ENPP2: variants seen among roughly 807,000 people sequenced by gnomAD.
ENPP2 encodes ectonucleotide pyrophosphatase/phosphodiesterase 2.
ENPP2 carries 51 observed loss-of-function variants against 120.2 expected under a neutral mutation model. The observed-to-expected ratio is 0.42, with a 90% CI of 0.34 to 0.54. The LOEUF is 0.54. ENPP2 is among the 20% of genes least tolerant of loss of function. The probability of loss-of-function intolerance (pLI) is 0.04; values close to 1 mark genes in which losing one functional copy is unlikely to be tolerated. For missense variants in ENPP2, 920 were observed against 1,066.5 expected (o/e 0.86, Z 1.91); for synonymous variants, 365 against 366.4 (o/e 1.00, Z 0.04).
chr8:119,657,731 G>C lies in ENPP2; in HGVS notation c.21+15521C>G, dbSNP rs1005707951. 2.0e-5 allele frequency among the ~76,000 whole-genome samples: 3 copies of C among 152,300 alleles called. No individual in the cohort carries two copies. In the East Asian group the frequency reaches 5.8e-4, roughly 29 times the overall value. ...CTTTATTAGACGTGTGTTTGTCTAGGAATGAAAGGAATCAACAAGTGGGAT... is the reference window on the plus strand; with the variant it reads ...CTTTATTAGACGTGTGTTTGTCTAGCAATGAAAGGAATCAACAAGTGGGAT... On this transcript the variant is annotated intron_variant, in intron 1 of 25. Coordinates refer to the ENPP2 transcript ENST00000427067.
intron 12 of ENPP2, among the ~76,000 whole-genome samples, chr8:119,592,329 C>T (rs181593788): frequency 3.3e-5 from 5 of 151,850 alleles, no homozygotes; most frequent in Non-Finnish European, 7.4e-5. Flanking sequence ...AAAATTTAGC[C>T]GGGCCTGGTG....
chr8:119,590,505 A>G lies in ENPP2; in HGVS notation c.1207T>C (p.Tyr403His). The change falls in exon 13 of 25, where the codon TAT (tyrosine) becomes CAT (histidine). Residue 403 changes from tyrosine to histidine, a missense_variant and splice_region_variant. By Grantham distance (83) the Tyr-to-His change is moderately conservative. Transcript: ENST00000075322. Reference protein sequence around the residue: ...IRSKFSNNAKYDPKAIIANLT... With the variant: ...IRSKFSNNAKHDPKAIIANLT... ...CTTAATATTTTAAGAATCAACTTAC[A>G]TTTAGCATTGTTGCTAAATTTGGAT... 1 of 1,596,494 alleles carries G rather than the reference A, an allele frequency of 6.3e-7. No individual in the cohort carries two copies.
intron 1 of ENPP2, among the ~76,000 whole-genome samples, chr8:119,668,881 A>G (rs904287851): frequency 1.3e-5 from 2 of 151,878 alleles, no homozygotes; most frequent in Non-Finnish European, 2.9e-5. Flanking sequence ...TCCTTTCTCA[A>G]TCCGCTTTCC....
chr8:119,661,891 C>T (rs1376988320), intron 1 of ENPP2, among the ~76,000 whole-genome samples: 1 of 152,052 alleles, frequency 6.6e-6, no homozygotes, highest in Non-Finnish European at 1.5e-5. Flanking sequence ...ACCTGGAGGT[C>T]ATGATACTTA....
At chr8:119,646,978 A>G (rs182811015) in intron 1 of ENPP2, among the ~76,000 whole-genome samples, 4 of 150,680 alleles carry the variant, frequency 2.7e-5, no homozygotes, top group Non-Finnish European at 4.4e-5. Context: ...CTGTGTTACC[A>G]TATTGTCTGT....
Position 119,569,264 on chromosome 8 carries a change from T to G in ENPP2, c.2024A>C (p.Gln675Pro), listed in dbSNP as rs773829603. The G allele has an allele frequency of 3.1e-6, 5 of 1,614,138 alleles. No homozygotes were observed. Among genetic ancestry groups the G allele is most frequent in the Middle Eastern group, 1.6e-4 (1 of 6,062 alleles). ...AGGAAAGAGGAATCCGTAGGACATC[T>G]GCTTATCATTTTTGTAGGCCAAACA... Reference protein sequence around the residue: ...QNCLAYKNDKQMSYGFLFPPY... With the variant: ...QNCLAYKNDKPMSYGFLFPPY... The change falls in exon 21 of 25, where the codon CAG becomes CCG. Residue 675 changes from glutamine (Q) to proline (P), a missense_variant. Transcript: ENST00000075322.
At chr8:119,656,100 G>A (rs1817758789) in intron 1 of ENPP2, among the ~76,000 whole-genome samples, 1 of 152,148 alleles carries the variant, frequency 6.6e-6, no homozygotes, top group African/African-American at 2.4e-5. Context: ...GTTTGGGGCT[G>A]GGTAAATCCT....
In ENPP2 at chr8:119,625,624, G is replaced by C. The variant is rs185584390; in HGVS notation, c.292+941C>G. Among the ~76,000 whole-genome samples, 39 of 152,298 alleles carry C rather than the reference G, an allele frequency of 2.6e-4. 1 individual carries two copies. Among genetic ancestry groups the C allele is most frequent in the African/African-American group, 8.7e-4 (36 of 41,570 alleles). ...GAAATAACCTGCCAAGGAAACCATG[G>C]AAACTGCTTCTGGTGATGTCAAGAA... On this transcript the variant is annotated intron_variant, in intron 3 of 24. Coordinates refer to ENST00000075322, the MANE Select transcript of ENPP2 (RefSeq NM_001040092.3).
chr8:119,558,033 A>G (rs1813606077), intron 24 of ENPP2, among the ~76,000 whole-genome samples: 1 of 152,236 alleles, frequency 6.6e-6, no homozygotes, highest in Admixed American at 6.5e-5. Flanking sequence ...TTCTTTTCCA[A>G]GCTGTCAAAT....
At chr8:119,650,795 T>C (rs1436927000) in intron 1 of ENPP2, among the ~76,000 whole-genome samples, 2 of 152,214 alleles carry the variant, frequency 1.3e-5, no homozygotes, top group African/African-American at 4.8e-5. Context: ...CCATATCTCT[T>C]TCATCAGGTT....
chr8:119,606,606 T>TA lies in ENPP2; in HGVS notation c.833+1315dup, dbSNP rs1001820171. On this transcript the variant is annotated intron_variant, in intron 9 of 24. Transcript: ENST00000075322. ...TTACTTCTCAGCTCAGAAACCTCTT[T>TA]AAAAAAAAAAAAAAGAAAGAAAGAA... Among the ~76,000 whole-genome samples, 1,274 of 140,028 alleles carry TA rather than the reference T, an allele frequency of 9.1e-3. 6 individuals carry two copies. Among genetic ancestry groups the TA allele is most frequent in the Middle Eastern group, 0.026 (7 of 270 alleles). 91.9% of individuals were successfully genotyped at this position (140,028 alleles called of 152,430 possible).
intron 1 of ENPP2, among the ~76,000 whole-genome samples, chr8:119,647,708 G>C (rs955235774): frequency 6.6e-6 from 1 of 152,160 alleles, no homozygotes; most frequent in South Asian, 2.1e-4. Flanking sequence ...TAGAGAATAA[G>C]GGTTTGGATT....
chr8:119,580,779 T>C (rs1438022303), intron 18 of ENPP2: 2 of 152,536 alleles, frequency 1.3e-5, no homozygotes, highest in Non-Finnish European at 2.9e-5. Flanking sequence ...AAATATTAAC[T>C]ACTGTATTAG....
intron 8 of ENPP2, among the ~76,000 whole-genome samples, chr8:119,614,974 AT>A (rs1272975697): frequency 2.6e-5 from 4 of 152,122 alleles, no homozygotes; most frequent in Admixed American, 1.3e-4. Context: ...TTCAATGTTT[AT>A]TTTTTTAATA....
chr8:119,672,419 T>A (rs944923742), intron 1 of ENPP2, among the ~76,000 whole-genome samples: 6 of 152,106 alleles, frequency 3.9e-5, no homozygotes, highest in Admixed American at 3.3e-4. Flanking sequence ...CTTGCTTCAC[T>A]TGTTAAAATG....
At position 119,563,013 on chromosome 8, in the gene ENPP2, C is replaced by T. The variant is rs763755470; in HGVS notation, c.2265G>A (p.Gln755=). ...GLHDTEDKIK[Q]YVEGSSIPVP... is the part of the protein sequence containing the mutation. ...CAGGAATGGAACTGCCTTCCACGTA[C>T]CTGAAACAGGAAGGTAAAACGAAGT... Residue 755 remains glutamine, a splice_region_variant and synonymous_variant, in exon 24 of 25, where the codon CAG becomes CAA. Transcript: ENST00000075322. The T allele has an allele frequency of 6.8e-6, 11 of 1,611,394 alleles. No homozygotes were observed. The African/African-American group carries it at 1.1e-4, about 16-fold the overall frequency.
At chr8:119,613,280 C>T (rs1815237939) in intron 8 of ENPP2, among the ~76,000 whole-genome samples, 1 of 152,176 alleles carries the variant, frequency 6.6e-6, no homozygotes, top group Non-Finnish European at 1.5e-5. Context: ...CTTTAATTGA[C>T]TATATCAAGG....
At chr8:119,638,379 G>T (rs773992953) in intron 2 of ENPP2, 46 bp downstream of exon 2, 1 of 911,254 alleles carries the variant, frequency 1.1e-6, no homozygotes, top group South Asian at 1.3e-5. Context: ...TACCCCGTAT[G>T]TAATATTTTT....
Position 119,590,543 on chromosome 8 carries a change from A to G in ENPP2, c.1169T>C (p.Leu390Pro). The G allele has an allele frequency of 6.3e-7, 1 of 1,598,820 alleles. No homozygotes were observed. Among genetic ancestry groups the G allele is most frequent in the Non-Finnish European group, 8.5e-7 (1 of 1,173,518 alleles). The change falls in exon 13 of 25, where the codon CTA becomes CCA. Residue 390 changes from leucine to proline, a missense_variant. By Grantham distance (98) the Leu-to-Pro change is moderately conservative (BLOSUM62 -3). Coordinates refer to ENST00000075322, the MANE Select transcript of ENPP2 (RefSeq NM_001040092.3). ...VDDITLVPGTLGRIRSKFSNN... is the reference protein window; with the variant it reads ...VDDITLVPGTPGRIRSKFSNN... ...GCTAAATTTGGATCGAATTCTTCCT[A>G]GAGTTCCAGGCACTAAAGTAATATC...
Sources: allele counts gnomAD v4.1 joint callset (sites outside exome capture counted in the v4.1 genomes callset), GRCh38; gene constraint gnomAD v4.1.1; transcripts MANE v1.5; gene names NCBI Gene and HGNC (gene_info 2026-07-23, HGNC 2026-07-21).